Variants in LHFPL2 observed in about 807,000 individuals in gnomAD.
LHFPL2 encodes the protein LHFPL tetraspan subfamily member 2.
A neutral mutation model predicts 17.5 loss-of-function variants in LHFPL2; 7 were observed. The observed-to-expected ratio is 0.40, with a 90% CI of 0.23 to 0.75. The LOEUF (loss-of-function observed/expected upper bound fraction) is 0.75, where lower values mean the gene tolerates loss of function less well. LHFPL2 is among the 30% of genes least tolerant of loss of function. LHFPL2 has a pLI of 0.37. For missense variants in LHFPL2, 241 were observed against 294.8 expected, an observed-to-expected ratio of 0.82 and a Z score of 1.34; for synonymous variants, 134 against 116.2, an observed-to-expected ratio of 1.15 and a Z score of -0.99.
rs577647762 is a variant in LHFPL2, at chr5:78,491,782, A to G, written c.431-2629T>C. On this transcript the variant is annotated intron_variant, in intron 4 of 4. Transcript: ENST00000380345. ...CCATCGTAACAAAAACTGGAAACAG[A>G]TGATGAGCCTGAACACAGGTCAAAA... is the stretch of plus-strand genomic sequence containing the variant. Among the ~76,000 whole-genome samples, 3 of 152,202 alleles carry G rather than the reference A, an allele frequency of 2.0e-5. No individual in the cohort carries two copies. In the South Asian group the frequency reaches 6.2e-4, roughly 32 times the overall value.
At chr5:78,569,624 TGA>T (rs1756944403) in intron 2 of LHFPL2, among the ~76,000 whole-genome samples, 1 of 152,146 alleles carries the variant, frequency 6.6e-6, no homozygotes, top group South Asian at 2.1e-4. Flanking sequence ...AGGAAAGACA[TGA>T]GAGTGTCGAG....
intron 4 of LHFPL2, among the ~76,000 whole-genome samples, chr5:78,505,683 C>T (rs541099914): frequency 6.6e-6 from 1 of 152,228 alleles, no homozygotes; most frequent in African/African-American, 2.4e-5. Flanking sequence ...CTAAAAGCTA[C>T]AAGATATCCC....
At chr5:78,489,304 G>T in intron 4 of LHFPL2, 151 bp from the exon 5 acceptor site, 1 of 775,666 alleles carries the variant, frequency 1.3e-6, no homozygotes, top group Non-Finnish European at 2.0e-6. Context: ...AAACTAATCT[G>T]ACCTGATCAA....
intron 2 of LHFPL2, among the ~76,000 whole-genome samples, chr5:78,606,620 C>T (rs1033607519): frequency 1.2e-4 from 18 of 152,194 alleles, no homozygotes; most frequent in African/African-American, 4.3e-4. Context: ...TGAATTATCA[C>T]ATAGTAGCCA....
At chr5:78,537,624 G>A (rs1002444838) in intron 3 of LHFPL2, among the ~76,000 whole-genome samples, 1 of 152,096 alleles carries the variant, frequency 6.6e-6, no homozygotes, top group Non-Finnish European at 1.5e-5. Context: ...CCTCCCACAC[G>A]GACCCCACGT....
chr5:78,555,593 C>A (rs1561337229), intron 3 of LHFPL2, among the ~76,000 whole-genome samples: 3 of 152,124 alleles, frequency 2.0e-5, no homozygotes, highest in Admixed American at 6.5e-5. Flanking sequence ...GAAGTGGGGA[C>A]CCAGGCCACA....
intron 3 of LHFPL2, among the ~76,000 whole-genome samples, chr5:78,532,630 C>A (rs567553243): frequency 3.9e-5 from 6 of 152,214 alleles, no homozygotes; most frequent in African/African-American, 1.4e-4. Context: ...ATAACTGATA[C>A]ATGCAGTTCT....
intron 4 of LHFPL2, among the ~76,000 whole-genome samples, chr5:78,507,452 G>A (rs775217414): frequency 2.6e-5 from 4 of 152,144 alleles, no homozygotes; most frequent in Non-Finnish European, 5.9e-5. Context: ...GCACACCAGA[G>A]TACCAAAATA....
chr5:78,635,503 A>C (rs1745405851), intron 1 of LHFPL2, among the ~76,000 whole-genome samples: 1 of 152,230 alleles, frequency 6.6e-6, no homozygotes, highest in South Asian at 2.1e-4. Flanking sequence ...AACCAAACTG[A>C]CTTTAAAAAA....
intron 2 of LHFPL2, among the ~76,000 whole-genome samples, chr5:78,603,670 A>AC (rs1744106647): frequency 7.0e-6 from 1 of 143,638 alleles, no homozygotes; most frequent in Non-Finnish European, 1.5e-5. Flanking sequence ...GCTTGAGCCC[A>AC]AGAGTTCAAG....
chr5:78,627,183 G>A (rs2112507996), intron 2 of LHFPL2, among the ~76,000 whole-genome samples: 1 of 152,334 alleles, frequency 6.6e-6, no homozygotes, highest in East Asian at 1.9e-4. Flanking sequence ...GAGACAGTAA[G>A]GGTGTGAATG....
chr5:78,527,907 T>C (rs770663920), intron 3 of LHFPL2, among the ~76,000 whole-genome samples: 1 of 152,200 alleles, frequency 6.6e-6, no homozygotes, highest in Non-Finnish European at 1.5e-5. Context: ...CTGAGGAGTG[T>C]AAGCGATTAA....
At chr5:78,572,887 G>A (rs987018058) in intron 2 of LHFPL2, among the ~76,000 whole-genome samples, 1 of 152,068 alleles carries the variant, frequency 6.6e-6, no homozygotes, top group Non-Finnish European at 1.5e-5. Flanking sequence ...AGATCATCAG[G>A]CATTAGATTC....
intron 2 of LHFPL2, among the ~76,000 whole-genome samples, 155 bp downstream of exon 2, chr5:78,632,109 A>C (rs1297157603): frequency 2.6e-5 from 4 of 152,132 alleles, no homozygotes; most frequent in Admixed American, 2.6e-4. Context: ...CAAGGTAAAC[A>C]TCTTTATCAG....
chr5:78,567,044 C>CT (rs916869827), intron 2 of LHFPL2, among the ~76,000 whole-genome samples: 3 of 152,224 alleles, frequency 2.0e-5, no homozygotes, highest in Non-Finnish European at 4.4e-5. Context: ...TTAAAATCTC[C>CT]TTTTTTTACA....
At chr5:78,565,041 C>T (rs867071979) in intron 2 of LHFPL2, among the ~76,000 whole-genome samples, 170 bp from the exon 3 acceptor site, 51 of 152,278 alleles carry the variant, frequency 3.3e-4, no homozygotes, top group African/African-American at 1.1e-3. Flanking sequence ...CCAGGAACAC[C>T]GACACACGAA....
chr5:78,583,407 G>A (rs1743226327), intron 2 of LHFPL2, among the ~76,000 whole-genome samples: 1 of 151,056 alleles, frequency 6.6e-6, no homozygotes, highest in Admixed American at 6.6e-5. Flanking sequence ...GCATGATTTT[G>A]CAGCGGCTGG....
In LHFPL2 at chr5:78,487,969, AAGTGCCGAGATTCTGGC is replaced by A; in HGVS notation, c.*911_*927del. 6.6e-6 allele frequency: 1 copy of A among 152,264 alleles called. No homozygotes were observed. The highest frequency in any genetic ancestry group is 6.5e-5 in the Admixed American group (1 of 15,304). 9.4% of individuals were successfully genotyped at this position (152,264 alleles called of 1,614,324 possible). A position where few individuals can be genotyped will look rare whatever the true frequency, so the allele number is the denominator to read the frequency against. ...AAACTGGGAGTAAAGGTCTCCCCCCAAGTGCCGAGATTCTGGCAGGTCCTCCCAGTGAACATCTGCAT... is the reference window on the plus strand; with the variant it reads ...AAACTGGGAGTAAAGGTCTCCCCCCAAGGTCCTCCCAGTGAACATCTGCAT... On this transcript the variant is annotated 3_prime_UTR_variant, in exon 5 of 5. Coordinates refer to ENST00000380345, the MANE Select transcript of LHFPL2 (RefSeq NM_005779.3).
chr5:78,507,783 C>T (rs1175192623), intron 4 of LHFPL2, among the ~76,000 whole-genome samples: 2 of 152,084 alleles, frequency 1.3e-5, no homozygotes, highest in African/African-American at 2.4e-5. Flanking sequence ...TACAACAGAG[C>T]GAGGGAAAAC....
Sources: gnomAD v4.1 joint callset for allele counts (sites outside exome capture counted in the v4.1 genomes callset) on GRCh38, gnomAD v4.1.1 for gene constraint, MANE v1.5 for transcripts, NCBI Gene and HGNC (gene_info 2026-07-23, HGNC 2026-07-21) for gene names.